The following TYW1B variants were observed in gnomAD, a reference collection of about 807,000 sequenced individuals.
The protein encoded by TYW1B is S-adenosyl-L-methionine-dependent tRNA 4-demethylwyosine synthase TYW1B.
TYW1B carries 73 observed loss-of-function variants against 86.9 expected under a neutral mutation model. The observed-to-expected ratio is 0.84, with a 90% CI of 0.70 to 1.02. The LOEUF is 1.02. Ranked by LOEUF, TYW1B falls within the 50% of genes least tolerant of loss-of-function variation. TYW1B has a pLI of 0.00. For synonymous variants in TYW1B, 248 were observed against 292.8 expected (o/e 0.85, Z 1.56); for missense variants, 637 against 827.4 (o/e 0.77, Z 2.82).
intron 13 of TYW1B, among the ~76,000 whole-genome samples, chr7:72,590,025 T>C (rs2129567800): frequency 6.6e-6 from 1 of 152,324 alleles, no homozygotes; most frequent in Admixed American, 6.5e-5. Context: ...ATTTTAAAAA[T>C]ATCCAGGTAG....
chr7:72,755,298 A>T (rs1240064454), intron 7 of TYW1B, among the ~76,000 whole-genome samples: 3 of 152,160 alleles, frequency 2.0e-5, no homozygotes, highest in African/African-American at 7.2e-5. Context: ...GCGCACCTAT[A>T]GTCCCAGCTA....
At chr7:72,610,266 C>A (rs1554435682) in intron 13 of TYW1B, among the ~76,000 whole-genome samples, 1 of 152,202 alleles carries the variant, frequency 6.6e-6, no homozygotes, top group Non-Finnish European at 1.5e-5. Flanking sequence ...ATCTGTCTCA[C>A]TCTGGGCATT....
intron 13 of TYW1B, among the ~76,000 whole-genome samples, chr7:72,592,015 G>A (rs1409524433): frequency 6.6e-6 from 1 of 151,790 alleles, no homozygotes; most frequent in Non-Finnish European, 1.5e-5. Context: ...GTAGAGATGG[G>A]GTTTTGCCAT....
chr7:72,584,836 G>A (rs1554430250), intron 13 of TYW1B, among the ~76,000 whole-genome samples: 1 of 152,152 alleles, frequency 6.6e-6, no homozygotes, highest in Non-Finnish European at 1.5e-5. Flanking sequence ...CCTACTGTCT[G>A]TTAATTATTT....
chr7:72,672,530 T>C (rs1466336338), intron 11 of TYW1B, among the ~76,000 whole-genome samples: 3 of 142,892 alleles, frequency 2.1e-5, no homozygotes, highest in East Asian at 2.2e-4. Context: ...AGGTATGTAA[T>C]ATGCAGTTAG....
chr7:72,795,172 G>A (rs1399917191), intron 6 of TYW1B, among the ~76,000 whole-genome samples: 10 of 151,618 alleles, frequency 6.6e-5, no homozygotes, highest in African/African-American at 7.3e-5. Context: ...CAAACCCTAC[G>A]GAGATCCAAA....
intron 7 of TYW1B, among the ~76,000 whole-genome samples, chr7:72,756,668 G>C (rs1345971983): frequency 2.0e-5 from 3 of 152,154 alleles, no homozygotes; most frequent in Non-Finnish European, 2.9e-5. Context: ...CAGGAACTGA[G>C]TTACTGGTAG....
intron 11 of TYW1B, among the ~76,000 whole-genome samples, chr7:72,674,759 CT>C (rs10712486): frequency 3.7e-3 from 492 of 134,120 alleles, no homozygotes; most frequent in African/African-American, 0.01. Flanking sequence ...CCTTTTCTCT[CT>C]TTTTTTTTTT....
rs57281644 is a variant in TYW1B at position 72,607,393 on chromosome 7, C to CAAAAAAAAAA, written c.1785+9269_1785+9278dup. 7.6e-3 allele frequency among the ~76,000 whole-genome samples: 575 copies of CAAAAAAAAAA among 76,116 alleles called. 10 individuals carry two copies. The highest frequency in any genetic ancestry group is 0.022 in the African/African-American group (452 of 20,390). The allele number at this position is 76,116 out of a possible 152,430, so 49.9% of individuals were successfully genotyped here. ...GATGACAGAGTGAGATTCTGTCTCT[C>CAAAAAAAAAA]AAAAAAAAAAAAAAAAGAAAAGAAG... is the stretch of plus-strand genomic sequence containing the variant. On this transcript the variant is annotated intron_variant, in intron 13 of 13. Coordinates refer to ENST00000620995, the MANE Select transcript of TYW1B (RefSeq NM_001145440.3).
chr7:72,673,931 C>G (rs574969634), intron 11 of TYW1B, among the ~76,000 whole-genome samples: 8 of 152,138 alleles, frequency 5.3e-5, no homozygotes, highest in African/African-American at 1.9e-4. Flanking sequence ...TTTTTAGAAC[C>G]CTCCTCCTTC....
chr7:72,651,365 C>T (rs534818057), intron 11 of TYW1B, among the ~76,000 whole-genome samples: 159 of 152,338 alleles, frequency 1.0e-3, no homozygotes, highest in African/African-American at 3.7e-3. Flanking sequence ...CGCCTGTAAT[C>T]CCAGCACTCT....
chr7:72,764,436 C>T (rs1278984137), intron 7 of TYW1B, among the ~76,000 whole-genome samples: 1 of 152,168 alleles, frequency 6.6e-6, no homozygotes, highest in Non-Finnish European at 1.5e-5. Flanking sequence ...GCGCCCGCCA[C>T]CACGCCCAGC....
rs560113502 is a variant in TYW1B, at chr7:72,673,933, T to TCC, written c.1506+20752_1506+20753dup. The stretch of plus-strand genomic sequence containing the variant: ...AAAAACAAAACTCTTTTTAGAACCC[T>TCC]CCTCCTTCATAGAGTTATTATTTTT... On this transcript the variant is annotated intron_variant, in intron 11 of 13. Coordinates refer to ENST00000620995, the MANE Select transcript of TYW1B (RefSeq NM_001145440.3). Among the ~76,000 whole-genome samples the TCC allele has an allele frequency of 2.8e-4, 43 of 152,248 alleles. 1 individual carries two copies. The East Asian group carries it at 7.5e-3, about 27-fold the overall frequency.
chr7:72,782,719 A>G (rs1328701929), intron 6 of TYW1B, among the ~76,000 whole-genome samples: 1 of 151,880 alleles, frequency 6.6e-6, no homozygotes, highest in African/African-American at 2.4e-5. Flanking sequence ...TCTACTAAAA[A>G]TACAAAAATT....
At chr7:72,818,315 C>T (rs1315345195) in intron 2 of TYW1B, among the ~76,000 whole-genome samples, 2 of 152,048 alleles carry the variant, frequency 1.3e-5, no homozygotes, top group East Asian at 3.9e-4. Flanking sequence ...GGCATGGTGG[C>T]TCATGCCTGT....
At chr7:72,722,587 T>A (rs2129570897) in intron 9 of TYW1B, among the ~76,000 whole-genome samples, 1 of 152,290 alleles carries the variant, frequency 6.6e-6, no homozygotes, top group Middle Eastern at 3.4e-3. Context: ...AAAAGAAAGA[T>A]ATTTTTATAA....
chr7:72,669,777 A>T, intron 11 of TYW1B, among the ~76,000 whole-genome samples: 1 of 151,104 alleles, frequency 6.6e-6, no homozygotes, highest in Non-Finnish European at 1.5e-5. Context: ...CTCGGAAAAA[A>T]AATAATAATA....
At chr7:72,824,118 T>A (rs1264898299) in intron 2 of TYW1B, among the ~76,000 whole-genome samples, 1 of 152,050 alleles carries the variant, frequency 6.6e-6, no homozygotes, top group Non-Finnish European at 1.5e-5. Flanking sequence ...CAACTGACCT[T>A]CGACTGTAAA....
intron 11 of TYW1B, among the ~76,000 whole-genome samples, chr7:72,651,601 T>C (rs1223117193): frequency 1.3e-5 from 2 of 151,910 alleles, no homozygotes; most frequent in African/African-American, 4.8e-5. Flanking sequence ...GCCAACAGAG[T>C]GAGACTCCAA....
Sources: allele counts gnomAD v4.1 joint callset (sites outside exome capture counted in the v4.1 genomes callset), GRCh38; gene constraint gnomAD v4.1.1; transcripts MANE v1.5; gene names NCBI Gene and HGNC (gene_info 2026-07-23, HGNC 2026-07-21).